Variants in MALRD1 observed in about 807,000 individuals in gnomAD.
MALRD1 encodes MAM and LDL-receptor class A domain-containing protein 1.
Under a neutral mutation model 242.1 loss-of-function variants are expected in MALRD1, and 247 were observed. That is an observed-to-expected ratio of 1.02 (90% CI 0.92 to 1.13). The LOEUF is 1.13. Among genes scored for constraint, MALRD1 ranks in the 50% most tolerant of loss-of-function variants. The probability of loss-of-function intolerance (pLI) is 0.00; values close to 1 mark genes in which losing one functional copy is unlikely to be tolerated. For synonymous variants in MALRD1, 995 were observed against 866.6 expected, an observed-to-expected ratio of 1.15 and a Z score of -2.60; for missense variants, 2,989 against 2,533.1, an observed-to-expected ratio of 1.18 and a Z score of -3.86.
chr10:19,340,855 G>A (rs1843815954), intron 24 of MALRD1, among the ~76,000 whole-genome samples: 1 of 152,078 alleles, frequency 6.6e-6, no homozygotes, highest in Non-Finnish European at 1.5e-5. Flanking sequence ...GGTCTAGAGA[G>A]CATCAGCATC....
intron 32 of MALRD1, among the ~76,000 whole-genome samples, chr10:19,535,621 A>G (rs939688537): frequency 6.6e-6 from 1 of 151,736 alleles, no homozygotes; most frequent in Non-Finnish European, 1.5e-5. Flanking sequence ...GGAGAAATAT[A>G]CACTACAATG....
intron 14 of MALRD1, among the ~76,000 whole-genome samples, chr10:19,188,068 C>T (rs778288734): frequency 6.6e-6 from 1 of 152,152 alleles, no homozygotes; most frequent in Non-Finnish European, 1.5e-5. Flanking sequence ...ACCATTTCAG[C>T]CGAGGCCTTA....
intron 38 of MALRD1, among the ~76,000 whole-genome samples, chr10:19,724,188 G>T (rs558355194): frequency 6.6e-6 from 1 of 152,140 alleles, no homozygotes; most frequent in African/African-American, 2.4e-5. Flanking sequence ...CTAGGTGTCC[G>T]GTGAGTTTCA....
intron 29 of MALRD1, among the ~76,000 whole-genome samples, chr10:19,467,385 T>C (rs1589124035): frequency 6.8e-5 from 3 of 43,968 alleles, no homozygotes; most frequent in South Asian, 1.3e-3. Context: ...ACAGCGAGAC[T>C]CCGTCTCAAA....
intron 1 of MALRD1, among the ~76,000 whole-genome samples, chr10:19,054,012 T>C (rs1834589859): frequency 6.6e-6 from 1 of 152,144 alleles, no homozygotes; most frequent in Non-Finnish European, 1.5e-5. Flanking sequence ...GTCTAATAAC[T>C]GTTTGGGTCT....
At chr10:19,643,159 C>T (rs974153442) in intron 36 of MALRD1, among the ~76,000 whole-genome samples, 3 of 152,094 alleles carry the variant, frequency 2.0e-5, no homozygotes, top group African/African-American at 7.2e-5. Flanking sequence ...AAGCCCGGAG[C>T]GGTGGCTCAC....
chr10:19,430,111 C>CTTTT (rs1156254998), intron 28 of MALRD1, among the ~76,000 whole-genome samples: 2,672 of 83,216 alleles, frequency 0.032, 294 homozygotes, highest in Non-Finnish European at 0.041. Context: ...CTCCATTTTC[C>CTTTT]TTTTTTTTTT....
chr10:19,461,482 T>C (rs1835939193), intron 29 of MALRD1, among the ~76,000 whole-genome samples: 1 of 152,164 alleles, frequency 6.6e-6, no homozygotes, highest in Non-Finnish European at 1.5e-5. Context: ...AAGGAGTTCA[T>C]GTAAAGGTAC....
chr10:19,155,836 G>A (rs1283401194), intron 12 of MALRD1, among the ~76,000 whole-genome samples: 1 of 152,130 alleles, frequency 6.6e-6, no homozygotes, highest in East Asian at 1.9e-4. Context: ...ATTAAATAAA[G>A]CACCTGGCAA....
At chr10:19,182,494 T>C (rs1056527587) in intron 14 of MALRD1, among the ~76,000 whole-genome samples, 3 of 151,352 alleles carry the variant, frequency 2.0e-5, no homozygotes, top group Non-Finnish European at 4.4e-5. Flanking sequence ...CCGGCTAATT[T>C]TTTTTTTGTA....
At chr10:19,203,087 G>T (rs1190441814) in intron 14 of MALRD1, among the ~76,000 whole-genome samples, 1 of 151,890 alleles carries the variant, frequency 6.6e-6, no homozygotes, top group Non-Finnish European at 1.5e-5. Context: ...CTAACATTAT[G>T]ATTTCCCTTT....
At chr10:19,700,734 T>C (rs1833584691) in intron 38 of MALRD1, among the ~76,000 whole-genome samples, 1 of 152,166 alleles carries the variant, frequency 6.6e-6, no homozygotes, top group Non-Finnish European at 1.5e-5. Flanking sequence ...AAAGGCTTTT[T>C]TCCCTATGAC....
At chr10:19,147,471 A>G (rs143188500) in intron 11 of MALRD1, among the ~76,000 whole-genome samples, 1 of 152,204 alleles carries the variant, frequency 6.6e-6, no homozygotes, top group African/African-American at 2.4e-5. Flanking sequence ...GTGGCAGACA[A>G]AGTTAAGTTT....
intron 36 of MALRD1, among the ~76,000 whole-genome samples, chr10:19,690,983 C>T (rs969751402): frequency 3.3e-5 from 5 of 151,872 alleles, no homozygotes; most frequent in African/African-American, 1.2e-4. Context: ...AGCCCTGATG[C>T]CAGGAAAGTG....
At chr10:19,718,250 C>A (rs1834508357) in intron 38 of MALRD1, among the ~76,000 whole-genome samples, 1 of 150,400 alleles carries the variant, frequency 6.6e-6, no homozygotes, top group South Asian at 2.1e-4. Context: ...AGCAGCAATA[C>A]CTGAGGCTGA....
At chr10:19,482,651 CTACA>C (rs942040925) in intron 29 of MALRD1, among the ~76,000 whole-genome samples, 1 of 43,598 alleles carries the variant, frequency 2.3e-5, no homozygotes, top group Non-Finnish European at 4.6e-5. Flanking sequence ...TTTACAATAG[CTACA>C]CACACACACA....
Position 19,429,092 on chromosome 10 carries a change from G to C in MALRD1, c.4846-21215G>C, listed in dbSNP as rs150810420. On this transcript the variant is annotated intron_variant, in intron 28 of 39. Coordinates refer to ENST00000454679, the MANE Select transcript of MALRD1 (RefSeq NM_001142308.3). ...ATGTGTACTATAAGAACTTTCTAAA[G>C]TTTAAGCAATTCTAAATTTAAAAAC... 1.8e-4 allele frequency among the ~76,000 whole-genome samples: 28 copies of C among 152,286 alleles called. No homozygotes were observed. In the East Asian group the frequency reaches 5.2e-3, roughly 28 times the overall value.
chr10:19,538,840 T>C (rs1225485049), intron 32 of MALRD1, among the ~76,000 whole-genome samples: 1 of 152,104 alleles, frequency 6.6e-6, no homozygotes, highest in Non-Finnish European at 1.5e-5. Context: ...GATAAGTTTA[T>C]ATATATATGG....
At chr10:19,504,832 G>T (rs552928004) in intron 31 of MALRD1, among the ~76,000 whole-genome samples, 1 of 150,744 alleles carries the variant, frequency 6.6e-6, no homozygotes, top group Non-Finnish European at 1.5e-5. Flanking sequence ...ACAGGCGCCC[G>T]CCACCGCGCC....
Sources: allele counts gnomAD v4.1 joint callset (sites outside exome capture counted in the v4.1 genomes callset), GRCh38; gene constraint gnomAD v4.1.1; transcripts MANE v1.5; gene names NCBI Gene and HGNC (gene_info 2026-07-23, HGNC 2026-07-21).